Variants in UNC13C observed in about 807,000 individuals in gnomAD.
UNC13C encodes protein unc-13 homolog C.
In UNC13C, 174 loss-of-function variants were observed where a neutral mutation model predicts 245.4. The ratio of observed to expected loss-of-function variants is 0.71; its 90% CI spans 0.63 to 0.80. The LOEUF (loss-of-function observed/expected upper bound fraction) is 0.80. UNC13C is among the 30% of genes least tolerant of loss of function. UNC13C has a pLI of 0.00. For missense variants in UNC13C, 2,829 were observed against 2,602.9 expected (o/e 1.09, Z -1.89); for synonymous variants, 992 against 895.1 (o/e 1.11, Z -1.93).
intron 10 of UNC13C, among the ~76,000 whole-genome samples, chr15:54,275,364 A>C (rs1265912530): frequency 1.3e-5 from 2 of 152,190 alleles, no homozygotes; most frequent in Non-Finnish European, 2.9e-5. Flanking sequence ...GGGAAATTCA[A>C]ATTAAAACTA....
At chr15:53,873,748 T>TTGCATTTC in the UNC13C span, among the ~76,000 whole-genome samples, 6 of 151,622 alleles carry the variant, frequency 4.0e-5, no homozygotes, top group Admixed American at 6.6e-5. Context: ...CACAACTATG[T>TTGCATTTC]TGCCCAGGCT....
intron 12 of UNC13C, among the ~76,000 whole-genome samples, chr15:54,299,372 C>G (rs1162866782): frequency 1.3e-5 from 2 of 152,070 alleles, no homozygotes; most frequent in African/African-American, 4.8e-5. Flanking sequence ...GATTCATTGC[C>G]CTGACTCTTA....
intron 15 of UNC13C, among the ~76,000 whole-genome samples, chr15:54,333,358 T>G (rs189288690): frequency 6.6e-6 from 1 of 152,154 alleles, no homozygotes; most frequent in East Asian, 1.9e-4. Flanking sequence ...TAAAAGTAAA[T>G]GCAGCACATG....
At chr15:53,946,645 TGG>T in the UNC13C span, among the ~76,000 whole-genome samples, 2 of 145,902 alleles carry the variant, frequency 1.4e-5, no homozygotes, top group Non-Finnish European at 3.0e-5. Context: ...CACTTGAACC[TGG>T]GAGGGGGAGG....
intron 2 of UNC13C, among the ~76,000 whole-genome samples, chr15:54,042,517 T>C (rs1353582447): frequency 6.6e-6 from 1 of 152,220 alleles, no homozygotes; most frequent in African/African-American, 2.4e-5. Flanking sequence ...GGTAACCACA[T>C]GTCACCTGGT....
At chr15:54,412,472 T>A (rs1437975989) in intron 18 of UNC13C, among the ~76,000 whole-genome samples, 2 of 152,170 alleles carry the variant, frequency 1.3e-5, no homozygotes, top group African/African-American at 4.8e-5. Flanking sequence ...CCATGGGGAT[T>A]ACAGATCCCT....
intron 8 of UNC13C, among the ~76,000 whole-genome samples, chr15:54,251,420 G>A (rs1422503143): frequency 1.3e-5 from 2 of 152,162 alleles, no homozygotes; most frequent in African/African-American, 4.8e-5. Context: ...TCTCTGCTAA[G>A]AGCCTGGCAC....
At chr15:54,314,442 A>C (rs1428214853) in intron 13 of UNC13C, among the ~76,000 whole-genome samples, 1 of 40,896 alleles carries the variant, frequency 2.4e-5, no homozygotes, top group Non-Finnish European at 4.8e-5. Context: ...ATTAAAAATA[A>C]AGAATTTTTT....
the UNC13C span, among the ~76,000 whole-genome samples, chr15:53,919,764 G>T: frequency 1.3e-5 from 2 of 152,028 alleles, no homozygotes; most frequent in African/African-American, 4.8e-5. Context: ...TCTTTACACT[G>T]GAAAATATAC....
At chr15:54,064,631 T>C (rs1897992556) in intron 2 of UNC13C, among the ~76,000 whole-genome samples, 1 of 152,190 alleles carries the variant, frequency 6.6e-6, no homozygotes, top group African/African-American at 2.4e-5. Context: ...CTCACATCAG[T>C]CACTTCCCTC....
intron 30 of UNC13C, among the ~76,000 whole-genome samples, chr15:54,600,611 C>T (rs1275056954): frequency 6.6e-6 from 1 of 151,920 alleles, no homozygotes; most frequent in African/African-American, 2.4e-5. Flanking sequence ...TTTTTGGTAC[C>T]TTATTTTTCA....
intron 4 of UNC13C, among the ~76,000 whole-genome samples, chr15:54,152,993 C>G (rs901412447): frequency 2.0e-5 from 3 of 152,146 alleles, no homozygotes; most frequent in African/African-American, 7.2e-5. Flanking sequence ...CTCTTACAGA[C>G]AGACTATATA....
chr15:54,355,244 T>C (rs546278303), intron 17 of UNC13C, among the ~76,000 whole-genome samples: 1 of 152,250 alleles, frequency 6.6e-6, no homozygotes, highest in African/African-American at 2.4e-5. Context: ...ACTTTACTTA[T>C]GTAATTATCA....
intron 4 of UNC13C, among the ~76,000 whole-genome samples, chr15:54,186,904 A>T (rs1467504314): frequency 1.3e-5 from 2 of 149,900 alleles, no homozygotes; most frequent in Non-Finnish European, 3.0e-5. Flanking sequence ...GCTGGAGTGC[A>T]GTGGCACAAA....
At chr15:53,954,246 A>G in the UNC13C span, among the ~76,000 whole-genome samples, 5 of 152,290 alleles carry the variant, frequency 3.3e-5, no homozygotes, top group South Asian at 2.1e-4. Context: ...CCATGTGCAT[A>G]TCTATAGTGA....
chr15:53,891,439 A>G, the UNC13C span, among the ~76,000 whole-genome samples: 1 of 151,984 alleles, frequency 6.6e-6, no homozygotes, highest in Non-Finnish European at 1.5e-5. Flanking sequence ...TGTCTCGTTG[A>G]TTTGTCTAAT....
chr15:54,335,716 G>C (rs142584804), intron 16 of UNC13C, among the ~76,000 whole-genome samples: 1 of 152,256 alleles, frequency 6.6e-6, no homozygotes, highest in Non-Finnish European at 1.5e-5. Flanking sequence ...TAATTGCTAA[G>C]GAGTAATTCT....
chr15:54,253,144 T>C (rs1409662260), intron 8 of UNC13C, among the ~76,000 whole-genome samples: 1 of 152,204 alleles, frequency 6.6e-6, no homozygotes, highest in East Asian at 1.9e-4. Context: ...GTCTGACCAA[T>C]GGCCCATGCA....
chr15:54,452,555 A>G (rs1345539601), intron 19 of UNC13C, among the ~76,000 whole-genome samples: 1 of 152,198 alleles, frequency 6.6e-6, no homozygotes, highest in African/African-American at 2.4e-5. Context: ...GACAATCCCA[A>G]GATTCCTGGA....
Sources: gnomAD v4.1 joint callset for allele counts (sites outside exome capture counted in the v4.1 genomes callset) on GRCh38, gnomAD v4.1.1 for gene constraint, MANE v1.5 for transcripts, NCBI Gene and HGNC (gene_info 2026-07-23, HGNC 2026-07-21) for gene names.